HSD17B2: variants seen among roughly 807,000 people sequenced by gnomAD.
HSD17B2 encodes the protein hydroxysteroid 17-beta dehydrogenase 2.
Under a neutral mutation model 26.9 loss-of-function variants are expected in HSD17B2, and 32 were observed. The ratio of observed to expected loss-of-function variants is 1.19; its 90% CI spans 0.90 to 1.60. The LOEUF (loss-of-function observed/expected upper bound fraction) is 1.60, where lower values mean the gene tolerates loss of function less well. Ranked by LOEUF, HSD17B2 falls within the 40% of genes most tolerant of loss-of-function variation. HSD17B2 has a pLI of 0.00. For synonymous variants in HSD17B2, 246 were observed against 186.7 expected, an observed-to-expected ratio of 1.32 and a Z score of -2.59; for missense variants, 613 against 468.6, an observed-to-expected ratio of 1.31 and a Z score of -2.85.
chr16:82,046,359 G>C (rs1913928382), intron 1 of HSD17B2, among the ~76,000 whole-genome samples: 1 of 152,088 alleles, frequency 6.6e-6, no homozygotes, highest in South Asian at 2.1e-4. Context: ...CTATGTGTCA[G>C]ATACTGTAAG....
At chr16:82,068,594 G>A (rs1363129444) in intron 2 of HSD17B2, among the ~76,000 whole-genome samples, 1 of 152,084 alleles carries the variant, frequency 6.6e-6, no homozygotes, top group Non-Finnish European at 1.5e-5. Flanking sequence ...AGAACTTACA[G>A]AAACCTCAGT....
intron 1 of HSD17B2, among the ~76,000 whole-genome samples, chr16:82,040,239 G>A (rs1913732519): frequency 6.6e-6 from 1 of 152,144 alleles, no homozygotes; most frequent in South Asian, 2.1e-4. Flanking sequence ...GTCCAAATAA[G>A]GTTCTCAAGT....
intron 3 of HSD17B2, among the ~76,000 whole-genome samples, chr16:82,076,909 C>G (rs771958474): frequency 2.6e-5 from 4 of 152,138 alleles, no homozygotes; most frequent in Non-Finnish European, 5.9e-5. Flanking sequence ...AAAGTAATCT[C>G]ATTTACAATA....
chr16:82,087,960 T>A (rs941409710), intron 3 of HSD17B2, among the ~76,000 whole-genome samples: 5 of 152,126 alleles, frequency 3.3e-5, no homozygotes, highest in Admixed American at 2.0e-4. Flanking sequence ...GCACCCCACC[T>A]CCTAACACTG....
rs541258528 is a variant in HSD17B2, at chr16:82,081,370, T to C, written c.665-9532T>C. Among the ~76,000 whole-genome samples, 30 of 152,228 alleles carry C rather than the reference T, an allele frequency of 2.0e-4. No individual in the cohort carries two copies. The South Asian group carries it at 6.0e-3, about 31-fold the overall frequency. On this transcript the variant is annotated intron_variant, in intron 3 of 4. Transcript: ENST00000199936. ...CTCCTTCCTCCTCCCCACTAACTCC[T>C]TCTCTCTCCCTGGGCCTTTCATTCT...
chr16:82,079,584 T>A (rs76718006), intron 3 of HSD17B2, among the ~76,000 whole-genome samples: 5,059 of 152,292 alleles, frequency 0.033, 264 homozygotes, highest in African/African-American at 0.11. Flanking sequence ...TACTGCCACA[T>A]ACAAACTTTT....
intron 3 of HSD17B2, among the ~76,000 whole-genome samples, chr16:82,079,034 A>C (rs1904321449): frequency 6.6e-6 from 1 of 152,252 alleles, no homozygotes; most frequent in African/African-American, 2.4e-5. Context: ...GCATAAATGG[A>C]TTGTGTGCAA....
At chr16:82,069,232 A>C (rs1340879841) in intron 2 of HSD17B2, among the ~76,000 whole-genome samples, 1 of 152,224 alleles carries the variant, frequency 6.6e-6, no homozygotes, top group Admixed American at 6.5e-5. Flanking sequence ...TGTCCCTGCA[A>C]AGGATATGAT....
rs116686164 is a variant in HSD17B2, at chr16:82,086,609, G to C, written c.665-4293G>C. Among the ~76,000 whole-genome samples the C allele has an allele frequency of 6.5e-3, 983 of 152,276 alleles. 14 individuals carry two copies. Among genetic ancestry groups the C allele is most frequent in the African/African-American group, 0.022 (896 of 41,558 alleles). On this transcript the variant is annotated intron_variant, in intron 3 of 4. Coordinates refer to ENST00000199936, the MANE Select transcript of HSD17B2 (RefSeq NM_002153.3). ...TTCGGGGGAATATGACTTAGAAGAG[G>C]GGATGATTTTTCGTGCCTATGCTAA... is the stretch of plus-strand genomic sequence containing the variant.
At chr16:82,087,021 C>T (rs1428126581) in intron 3 of HSD17B2, among the ~76,000 whole-genome samples, 1 of 152,172 alleles carries the variant, frequency 6.6e-6, no homozygotes, top group Non-Finnish European at 1.5e-5. Flanking sequence ...TTTCTGATCT[C>T]ATTTAACTTT....
At chr16:82,071,892 C>A (rs577992567) in intron 3 of HSD17B2, 1 of 152,492 alleles carries the variant, frequency 6.6e-6, no homozygotes, top group Non-Finnish European at 1.5e-5. Context: ...ATCCTAGGAT[C>A]CTGCCTTCAA....
At chr16:82,066,017 C>A (rs796068328) in intron 1 of HSD17B2, among the ~76,000 whole-genome samples, 16 of 152,310 alleles carry the variant, frequency 1.1e-4, no homozygotes, top group African/African-American at 3.6e-4. Context: ...CATCTGGCCT[C>A]AGCACTGTGG....
intron 3 of HSD17B2, among the ~76,000 whole-genome samples, chr16:82,085,235 A>G (rs1904493252): frequency 6.6e-6 from 1 of 152,186 alleles, no homozygotes; most frequent in African/African-American, 2.4e-5. Context: ...CCAGTCTCTC[A>G]GCTGCTCAGT....
At chr16:82,040,431 G>A (rs1046982829) in intron 1 of HSD17B2, among the ~76,000 whole-genome samples, 1 of 152,164 alleles carries the variant, frequency 6.6e-6, no homozygotes, top group African/African-American at 2.4e-5. Context: ...TGTAAACAAG[G>A]AAATGCGTCC....
At chr16:82,076,384 C>A (rs1904302438) in intron 3 of HSD17B2, among the ~76,000 whole-genome samples, 1 of 152,076 alleles carries the variant, frequency 6.6e-6, no homozygotes, top group Admixed American at 6.6e-5. Flanking sequence ...GAAATCCTGG[C>A]TAGTGCAAGC....
chr16:82,043,161 G>T (rs1181406583), intron 1 of HSD17B2, among the ~76,000 whole-genome samples: 1 of 152,200 alleles, frequency 6.6e-6, no homozygotes, highest in African/African-American at 2.4e-5. Context: ...GGAGAAAGAA[G>T]CTCGTCTTGG....
chr16:82,054,634 C>A (rs1240956810), intron 1 of HSD17B2, among the ~76,000 whole-genome samples: 1 of 152,176 alleles, frequency 6.6e-6, no homozygotes, highest in African/African-American at 2.4e-5. Flanking sequence ...CGTGAGCCAC[C>A]GGGCTCAGCC....
At chr16:82,071,851 G>C (rs8191175) in intron 3 of HSD17B2, 4,392 of 153,688 alleles carry the variant, frequency 0.029, 81 homozygotes, top group Middle Eastern at 0.061. Flanking sequence ...CACTGCAGAG[G>C]TGAGAGGGAA....
rs1459955253 is a variant in HSD17B2, at chr16:82,068,062, T to G, written c.266-108T>G. The G allele has an allele frequency of 5.9e-6, 6 of 1,015,410 alleles. No homozygotes were observed. The East Asian group carries it at 1.5e-4, about 25-fold the overall frequency. The allele number at this position is 1,015,410 out of a possible 1,614,324, so 62.9% of individuals were successfully genotyped here. A position where few individuals can be genotyped will look rare whatever the true frequency, so the allele number is the denominator to read the frequency against. On this transcript the variant is annotated intron_variant, in intron 1 of 4. Transcript: ENST00000199936. ...AGAAACTTCCTCAGGAACCCCTCTC[T>G]TCAGAGAGCATGGAGAATCGTAAAC...
Sources: allele counts gnomAD v4.1 joint callset (sites outside exome capture counted in the v4.1 genomes callset), GRCh38; gene constraint gnomAD v4.1.1; transcripts MANE v1.5; gene names NCBI Gene and HGNC (gene_info 2026-07-23, HGNC 2026-07-21).